Variants in BTNL2 observed in about 807,000 individuals in gnomAD.
The protein encoded by BTNL2 is butyrophilin like 2.
Under a neutral mutation model 46.8 loss-of-function variants are expected in BTNL2, and 46 were observed. The observed-to-expected ratio is 0.98, with a 90% confidence interval of 0.78 to 1.26. The LOEUF is 1.26. Ranked by LOEUF, BTNL2 falls within the 50% of genes most tolerant of loss-of-function variation. The pLI is 0.00. For missense variants in BTNL2, 461 were observed against 592.6 expected (o/e 0.78, Z 2.31); for synonymous variants, 226 against 229.1 (o/e 0.99, Z 0.12).
rs1277502149 is a variant in BTNL2 at position 32,404,441 on chromosome 6, A to G, written c.427+498T>C. 3.3e-5 allele frequency among the ~76,000 whole-genome samples: 5 copies of G among 152,324 alleles called. 1 individual carries two copies. The East Asian group carries it at 9.6e-4, about 29-fold the overall frequency. Reference sequence around the variant, plus strand: ...TCCCCAATTCATTGAACACTAGTATATAACAATCTCCAAAGCACGACATTC... The same window carrying G: ...TCCCCAATTCATTGAACACTAGTATGTAACAATCTCCAAAGCACGACATTC... On this transcript the variant is annotated intron_variant, in intron 2 of 7. Transcript: ENST00000454136.
intron 1 of BTNL2, chr6:32,406,541 ATAAT>A (rs2150325889): frequency 6.6e-6 from 1 of 152,108 alleles, no homozygotes; most frequent in African/African-American, 2.4e-5. Context: ...GAATTTTTAA[ATAAT>A]TATTTTTCAA....
intron 1 of BTNL2, 175 bp downstream of exon 1, chr6:32,406,869 GC>G: frequency 1.8e-6 from 1 of 571,144 alleles, no homozygotes; most frequent in Non-Finnish European, 3.2e-6. Flanking sequence ...AGGTGACTCA[GC>G]TAGGAGTGGA....
Position 32,396,866 on chromosome 6 carries a change from G to C in BTNL2, c.731-480C>G, listed in dbSNP as rs1451479058. Reference sequence around the variant, plus strand: ...ATGATGGTGGGTGCCTGTAATCCCAGCTACTCAGGAGGCTGAGGTGGAAAA... The same window carrying C: ...ATGATGGTGGGTGCCTGTAATCCCACCTACTCAGGAGGCTGAGGTGGAAAA... On this transcript the variant is annotated intron_variant, in intron 4 of 7. Transcript: ENST00000454136. The surrounding 1 kb of genome is among the most constrained non-coding windows in gnomAD (Gnocchi z 4.4). 6.6e-6 allele frequency among the ~76,000 whole-genome samples: 1 copy of C among 151,968 alleles called. No homozygotes were observed. The highest frequency in any genetic ancestry group is 1.5e-5 in the Non-Finnish European group (1 of 68,012).
At position 32,393,389 on chromosome 6, in the gene BTNL2, A is replaced by T. The variant is rs1057078774; in HGVS notation, c.*7T>A. On this transcript the variant is annotated splice_region_variant and 3_prime_UTR_variant, in exon 8 of 8. Transcript: ENST00000454136. The surrounding 1 kb of genome is among the most constrained non-coding windows in gnomAD (Gnocchi z 4.8). ...TGTGTTTGAAGCCAATGTCACATTC[A>T]CTGTAAAGAAAGAGAATCCATTCTG... 6.5e-6 allele frequency: 1 copy of T among 152,728 alleles called. No individual in the cohort carries two copies. Among genetic ancestry groups the T allele is most frequent in the Non-Finnish European group, 1.5e-5 (1 of 68,092 alleles). The allele number at this position is 152,728 out of a possible 1,614,324, so 9.5% of individuals were successfully genotyped here.
chr6:32,397,918 T>C (rs1055013888), intron 4 of BTNL2, among the ~76,000 whole-genome samples: 32 of 152,380 alleles, frequency 2.1e-4, no homozygotes, highest in African/African-American at 7.7e-4. Flanking sequence ...ATGCTCCACA[T>C]AGGTGGAGTT....
In BTNL2 at chr6:32,396,095, C is replaced by T. The variant is rs1399921865; in HGVS notation, c.1022G>A (p.Cys341Tyr). ...GTAGACATCATCTTTTTCAAAAAGGCAGCGGTACTGCCCGTCGTCCGAAGG... is the reference window on the plus strand; with the variant it reads ...GTAGACATCATCTTTTTCAAAAAGGTAGCGGTACTGCCCGTCGTCCGAAGG... ...ARPSDDGQYR[C>Y]LFEKDDVYQE... Residue 341 changes from cysteine to tyrosine, a missense_variant, in exon 5 of 8, where the codon TGC becomes TAC. By Grantham distance (194) the Cys-to-Tyr change is radical (BLOSUM62 -2). Transcript: ENST00000454136. The surrounding 1 kb of genome is among the most constrained non-coding windows in gnomAD (Gnocchi z 4.4). 2.4e-5 allele frequency: 38 copies of T among 1,613,066 alleles called. No homozygotes were observed. Among genetic ancestry groups the T allele is most frequent in the Non-Finnish European group, 3.2e-5 (38 of 1,180,030 alleles).
At chr6:32,403,854 C>G (rs549584770) in intron 2 of BTNL2, 1 of 152,362 alleles carries the variant, frequency 6.6e-6, no homozygotes, top group Admixed American at 6.5e-5. Context: ...TTTTTTTTCT[C>G]TATTTAACGT....
rs775371318 is a variant in BTNL2, at chr6:32,403,203, G to A, written c.441C>T (p.Ala147=). Residue 147 remains alanine (A), a synonymous_variant, in exon 3 of 8, where the codon GCC becomes GCT. Coordinates refer to ENST00000454136, the MANE Select transcript of BTNL2 (RefSeq NM_001304561.2). The part of the protein sequence containing the change: ...LLLKVAGLGS[A]PSIHMEGPGE... ...CAGGTCCCTCCATGTGGATGCTAGG[G>A]GCAGACCCCAGACCTGCAGAGGGAA... 1.2e-6 allele frequency: 2 copies of A among 1,608,480 alleles called. No homozygotes were observed. Among genetic ancestry groups the A allele is most frequent in the East Asian group, 2.2e-5 (1 of 44,668 alleles).
rs188806849 is a variant in BTNL2, at chr6:32,399,271, G to C, written c.730+2514C>G. ...CTTTGTTTTGTTTTGGTTATTGTTTGTATGTTCTGAATGCCTTCTGAATAT... is the reference window on the plus strand; with the variant it reads ...CTTTGTTTTGTTTTGGTTATTGTTTCTATGTTCTGAATGCCTTCTGAATAT... On this transcript the variant is annotated intron_variant, in intron 4 of 7. Coordinates refer to ENST00000454136, the MANE Select transcript of BTNL2 (RefSeq NM_001304561.2). This position sits in a 1 kb window ranked among gnomAD's most constrained non-coding sequence, Gnocchi z 5.2. Among the ~76,000 whole-genome samples, 810 of 152,018 alleles carry C rather than the reference G, an allele frequency of 5.3e-3. 9 individuals carry two copies. Among genetic ancestry groups the C allele is most frequent in the African/African-American group, 0.018 (765 of 41,532 alleles).
At chr6:32,406,790 A>C (rs933612840) in intron 1 of BTNL2, 1 of 314,550 alleles carries the variant, frequency 3.2e-6, no homozygotes, top group African/African-American at 2.1e-5. Context: ...TCTGAGATGT[A>C]GTTACTGCTG....
chr6:32,401,968 A>G (rs1480141215), intron 3 of BTNL2, among the ~76,000 whole-genome samples, 163 bp from the exon 4 acceptor site: 1 of 152,206 alleles, frequency 6.6e-6, no homozygotes, highest in African/African-American at 2.4e-5. Context: ...AGATTACCCA[A>G]TGATACAGCT....
chr6:32,393,723 A>G lies in BTNL2; in HGVS notation c.*6+240T>C. The G allele has an allele frequency of 2.4e-6, 1 of 411,542 alleles. No homozygotes were observed. Among genetic ancestry groups the G allele is most frequent in the Non-Finnish European group, 4.1e-6 (1 of 241,344 alleles). The allele number at this position is 411,542 out of a possible 1,614,324, so 25.5% of individuals were successfully genotyped here. On this transcript the variant is annotated intron_variant, in intron 7 of 7. Transcript: ENST00000454136. This position sits in a 1 kb window ranked among gnomAD's most constrained non-coding sequence, Gnocchi z 4.8. ...AGATCACTGGGGAATGGGCAGCAGGAAATCAAATCATTATCTTTTAATCAT... is the reference window on the plus strand; with the variant it reads ...AGATCACTGGGGAATGGGCAGCAGGGAATCAAATCATTATCTTTTAATCAT...
chr6:32,394,615 G>A lies in BTNL2; in HGVS notation c.1360+129C>T. 1 of 1,117,212 alleles carries A rather than the reference G, an allele frequency of 9.0e-7. No individual in the cohort carries two copies. The highest frequency in any genetic ancestry group is 1.6e-5 in the African/African-American group (1 of 64,142). The allele number at this position is 1,117,212 out of a possible 1,614,324, so 69.2% of individuals were successfully genotyped here. A position where few individuals can be genotyped will look rare whatever the true frequency, so the allele number is the denominator to read the frequency against. ...TGTCCTGAAAACCAGCTTTGCAGAG[G>A]ATAGCAGGAGACCTCGTCAGAGATC... On this transcript the variant is annotated intron_variant, in intron 6 of 7. Coordinates refer to ENST00000454136, the MANE Select transcript of BTNL2 (RefSeq NM_001304561.2). The surrounding 1 kb of genome is among the most constrained non-coding windows in gnomAD (Gnocchi z 4.6).
Position 32,394,887 on chromosome 6 carries a change from G to A in BTNL2, c.1217C>T (p.Ser406Phe). The A allele has an allele frequency of 6.2e-7, 1 of 1,614,246 alleles. No homozygotes were observed. Among genetic ancestry groups the A allele is most frequent in the Non-Finnish European group, 8.5e-7 (1 of 1,180,042 alleles). ...DMEGKTIPSSSQALTQGSHGL... is the reference protein window; with the variant it reads ...DMEGKTIPSSFQALTQGSHGL... ...GTGGCTGCCTTGAGTCAGGGCCTGG[G>A]AAGATGATGGTATCGTCTTTCCTTC... is the stretch of plus-strand genomic sequence containing the variant. The change falls in exon 6 of 8, where the codon TCC becomes TTC. Residue 406 changes from serine to phenylalanine, a missense_variant. Ser to Phe is a radical substitution (Grantham distance 155). Coordinates refer to ENST00000454136, the MANE Select transcript of BTNL2 (RefSeq NM_001304561.2). The surrounding 1 kb of genome is among the most constrained non-coding windows in gnomAD (Gnocchi z 4.6).
At position 32,394,244 on chromosome 6, in the gene BTNL2, G is replaced by A. The variant is rs186056877; in HGVS notation, c.1361-187C>T. Among the ~76,000 whole-genome samples, 29 of 152,122 alleles carry A rather than the reference G, an allele frequency of 1.9e-4. No homozygotes were observed. Among genetic ancestry groups the A allele is most frequent in the Middle Eastern group, 3.4e-3 (1 of 294 alleles). On this transcript the variant is annotated intron_variant, in intron 6 of 7. Transcript: ENST00000454136. The surrounding 1 kb of genome is among the most constrained non-coding windows in gnomAD (Gnocchi z 4.6). ...GAATGCAAGTATTTCATGTTTGCTC[G>A]TCTCAGAAATGTACACATGCACAGA...
intron 4 of BTNL2, among the ~76,000 whole-genome samples, chr6:32,400,125 T>G (rs117132594): frequency 0.018 from 2,668 of 152,312 alleles, 78 homozygotes; most frequent in East Asian, 0.11. Context: ...ACACTGGCTT[T>G]ACTTCCTGAT....
In BTNL2 at chr6:32,394,546, G is replaced by A. The variant is rs1299102687; in HGVS notation, c.1360+198C>T. On this transcript the variant is annotated intron_variant, in intron 6 of 7. Transcript: ENST00000454136. This position sits in a 1 kb window ranked among gnomAD's most constrained non-coding sequence, Gnocchi z 4.6. ...TGATAAAAATAATTGCAGGGCGCTA[G>A]TTGAGGGTGTCAGAGAGAAACTCAG... Among the ~76,000 whole-genome samples, 1 of 152,216 alleles carries A rather than the reference G, an allele frequency of 6.6e-6. No homozygotes were observed. Among genetic ancestry groups the A allele is most frequent in the African/African-American group, 2.4e-5 (1 of 41,450 alleles).
intron 1 of BTNL2, chr6:32,405,641 TA>T: frequency 3.2e-6 from 1 of 316,118 alleles, no homozygotes; most frequent in Non-Finnish European, 6.1e-6. Context: ...TATTCTCAAG[TA>T]AATTATTTAT....
In BTNL2 at chr6:32,393,961, A is replaced by T. The variant is rs1583248529; in HGVS notation, c.*6+2T>A. ...TCCGCTGTTTCTGTTTCCCTGACTT[A>T]CCTCTTTTCAGCTCCTCTTCCTGGG... On this transcript the variant is annotated splice_donor_variant, in intron 7 of 7. Transcript: ENST00000454136. LOFTEE classifies it low-confidence loss of function (3UTR_SPLICE). This position sits in a 1 kb window ranked among gnomAD's most constrained non-coding sequence, Gnocchi z 4.8. 6.5e-7 allele frequency: 1 copy of T among 1,545,268 alleles called. No homozygotes were observed. The highest frequency in any genetic ancestry group is 8.7e-7 in the Non-Finnish European group (1 of 1,145,020).
Sources: allele counts gnomAD v4.1 joint callset (sites outside exome capture counted in the v4.1 genomes callset), GRCh38; gene constraint gnomAD v4.1.1; non-coding constraint Gnocchi (gnomAD v3.1); transcripts MANE v1.5; gene names NCBI Gene and HGNC (gene_info 2026-07-23, HGNC 2026-07-21).